RILPL1: variants seen among roughly 807,000 people sequenced by gnomAD.
The protein encoded by RILPL1 is RILP-like protein 1.
Under a neutral mutation model 50.3 loss-of-function variants are expected in RILPL1, and 33 were observed. That is an observed-to-expected ratio of 0.66 (90% CI 0.50 to 0.88). The LOEUF (loss-of-function observed/expected upper bound fraction) is 0.88. RILPL1 is among the 40% of genes least tolerant of loss of function. The pLI, the probability that RILPL1 is intolerant of heterozygous loss-of-function variation, is 0.00. For missense variants in RILPL1, 418 were observed against 542.5 expected, an observed-to-expected ratio of 0.77 and a Z score of 2.28; for synonymous variants, 205 against 228.6, an observed-to-expected ratio of 0.90 and a Z score of 0.93.
rs1355735448 is a variant in RILPL1, at chr12:123,498,308, T to G, written c.801+236A>C. Among the ~76,000 whole-genome samples, 6 of 147,736 alleles carry G rather than the reference T, an allele frequency of 4.1e-5. No homozygotes were observed. The South Asian group carries it at 1.3e-3, about 31-fold the overall frequency. On this transcript the variant is annotated intron_variant, in intron 4 of 6. Transcript: ENST00000376874. This position sits in a 1 kb window ranked among gnomAD's most constrained non-coding sequence, Gnocchi z 4.3. ...ATGGCTCATTGCAGCCTTGAACTCC[T>G]GGGCTCAAGTGATCCTCCTGCCTAA...
intron 2 of RILPL1, among the ~76,000 whole-genome samples, chr12:123,504,586 G>A (rs1883617681): frequency 6.6e-6 from 1 of 152,064 alleles, no homozygotes. Context: ...GCCAGTGAAC[G>A]GGAACTGGTT....
At chr12:123,501,313 T>C (rs1193954253) in intron 2 of RILPL1, among the ~76,000 whole-genome samples, 1 of 150,970 alleles carries the variant, frequency 6.6e-6, no homozygotes, top group Non-Finnish European at 1.5e-5. Context: ...AGCGTGGTGG[T>C]GTCCACTTGT....
At chr12:123,527,176 C>G (rs1050979129) in intron 1 of RILPL1, among the ~76,000 whole-genome samples, 1 of 151,716 alleles carries the variant, frequency 6.6e-6, no homozygotes, top group South Asian at 2.1e-4. Context: ...ATAAAAAATA[C>G]AAAAATTAGC....
chr12:123,511,308 CTG>C (rs1433059180), intron 2 of RILPL1, among the ~76,000 whole-genome samples: 1 of 80,802 alleles, frequency 1.2e-5, no homozygotes, highest in South Asian at 3.8e-4. Context: ...GCGGTGGCAT[CTG>C]TGTGTGTGGT....
intron 5 of RILPL1, chr12:123,484,986 A>G: frequency 2.7e-6 from 1 of 369,000 alleles, no homozygotes; most frequent in Non-Finnish European, 5.5e-6. Context: ...TCCAGTATAC[A>G]GTCAGTAAAC....
chr12:123,473,537 A>T (rs771698678), intron 6 of RILPL1: 5 of 151,954 alleles, frequency 3.3e-5, no homozygotes, highest in Non-Finnish European at 7.4e-5. Flanking sequence ...AAATATATAT[A>T]TATAAGTAAA....
intron 2 of RILPL1, among the ~76,000 whole-genome samples, chr12:123,512,429 GGTCT>G (rs1275389640): frequency 7.2e-6 from 1 of 138,276 alleles, no homozygotes; most frequent in Non-Finnish European, 1.6e-5. Flanking sequence ...GTGTGTCTGA[GGTCT>G]GTGTGTGTGG....
chr12:123,524,099 G>A (rs1441830150), intron 1 of RILPL1, among the ~76,000 whole-genome samples: 3 of 152,212 alleles, frequency 2.0e-5, no homozygotes, highest in Non-Finnish European at 4.4e-5. Context: ...CTGCCCCAGC[G>A]TTCCTTAGGT....
At chr12:123,480,706 A>G (rs1329738075) in intron 6 of RILPL1, among the ~76,000 whole-genome samples, 1 of 151,932 alleles carries the variant, frequency 6.6e-6, no homozygotes, top group East Asian at 1.9e-4. Flanking sequence ...CCCATTTCCT[A>G]CCAAGCACTG....
intron 6 of RILPL1, among the ~76,000 whole-genome samples, chr12:123,479,779 C>A (rs548242206): frequency 1.3e-5 from 2 of 152,204 alleles, no homozygotes; most frequent in Non-Finnish European, 2.9e-5. Flanking sequence ...TGTCCCTGCC[C>A]GGCTCAGAGC....
At chr12:123,526,882 T>C (rs2048614) in intron 1 of RILPL1, among the ~76,000 whole-genome samples, 134,538 of 152,186 alleles carry the variant, frequency 0.88, 59,583 homozygotes, top group East Asian at 1. Flanking sequence ...CTGTTTCCAA[T>C]TGGCATAGGC....
intron 2 of RILPL1, among the ~76,000 whole-genome samples, chr12:123,509,919 C>T (rs77715764): frequency 0.017 from 2,649 of 152,320 alleles, 59 homozygotes; most frequent in African/African-American, 0.051. Flanking sequence ...AATTCATCTC[C>T]GCCTGCTGAT....
chr12:123,521,639 GTGTATATATATACACATATA>G lies in RILPL1; in HGVS notation c.460+1836_460+1855del, dbSNP rs1885042552. Reference sequence around the variant, plus strand: ...TATGTGTATATATATACACACATATGTGTATATATATACACATATATGTATATATATAAATATATATATAT... The same window carrying G: ...TATGTGTATATATATACACACATATGTGTATATATATAAATATATATATAT... On this transcript the variant is annotated intron_variant, in intron 2 of 6. Coordinates refer to ENST00000376874, the MANE Select transcript of RILPL1 (RefSeq NM_178314.5). Among the ~76,000 whole-genome samples the G allele has an allele frequency of 1.7e-4, 16 of 91,554 alleles. 1 individual carries two copies. The highest frequency in any genetic ancestry group is 6.4e-4 in the African/African-American group (13 of 20,222). The allele number at this position is 91,554 out of a possible 152,430, so 60.1% of individuals were successfully genotyped here.
intron 1 of RILPL1, among the ~76,000 whole-genome samples, chr12:123,532,712 G>T (rs887034286): frequency 4.5e-5 from 6 of 131,986 alleles, no homozygotes; most frequent in African/African-American, 1.3e-4. Flanking sequence ...CTGGGGGGGG[G>T]GGGGATGAAG....
At chr12:123,472,954 G>A (rs1290777387) in intron 6 of RILPL1, 4 of 367,570 alleles carry the variant, frequency 1.1e-5, no homozygotes, top group South Asian at 3.7e-5. Context: ...CACGTTAGCC[G>A]CTATGGAGGA....
chr12:123,504,359 G>T (rs924068948), intron 2 of RILPL1, among the ~76,000 whole-genome samples: 2 of 152,000 alleles, frequency 1.3e-5, no homozygotes, highest in South Asian at 4.2e-4. Flanking sequence ...AGTCCTTGCC[G>T]CTGACCTCCT....
intron 2 of RILPL1, among the ~76,000 whole-genome samples, chr12:123,502,853 A>C (rs1248402715): frequency 6.6e-6 from 1 of 152,158 alleles, no homozygotes; most frequent in African/African-American, 2.4e-5. Flanking sequence ...TCAAGGTGTT[A>C]CCAGGGCCAT....
chr12:123,472,647 G>C lies in RILPL1; in HGVS notation c.1103C>G (p.Ala368Gly), dbSNP rs767786390. 28 of 1,598,078 alleles carry C rather than the reference G, an allele frequency of 1.8e-5. 1 individual carries two copies. The Admixed American group carries it at 4.9e-4, about 28-fold the overall frequency. ...GATGTGCACGTTTCTCTGTGTGTTGGCCAGGCGCTTCTTATCTCGGGAGAA... is the reference window on the plus strand; with the variant it reads ...GATGTGCACGTTTCTCTGTGTGTTGCCCAGGCGCTTCTTATCTCGGGAGAA... ...SFFSRDKKRL[A>G]NTQRNVHIQE... is the part of the protein sequence containing the mutation. The change falls in exon 7 of 7, where the codon GCC (alanine) becomes GGC (glycine). Residue 368 changes from alanine (A) to glycine (G), a missense_variant. Coordinates refer to ENST00000376874, the MANE Select transcript of RILPL1 (RefSeq NM_178314.5).
intron 1 of RILPL1, among the ~76,000 whole-genome samples, chr12:123,527,675 T>G (rs530015045): frequency 6.6e-6 from 1 of 151,540 alleles, no homozygotes; most frequent in East Asian, 1.9e-4. Context: ...AAAAAAGAGC[T>G]TGTGAGATGG....
Sources: gnomAD v4.1 joint callset for allele counts (sites outside exome capture counted in the v4.1 genomes callset) on GRCh38, gnomAD v4.1.1 for gene constraint, Gnocchi (gnomAD v3.1) non-coding constraint, MANE v1.5 for transcripts, NCBI Gene and HGNC (gene_info 2026-07-23, HGNC 2026-07-21) for gene names.